Variants in KCNH1 observed in about 807,000 individuals in gnomAD.
The protein encoded by KCNH1 is potassium voltage-gated channel subfamily H member 1.
KCNH1 carries 27 observed loss-of-function variants against 69.2 expected under a neutral mutation model. That is an observed-to-expected ratio of 0.39 (90% CI 0.29 to 0.54). KCNH1 has a LOEUF of 0.54. KCNH1 is among the 20% of genes least tolerant of loss of function. The pLI, the probability that KCNH1 is intolerant of heterozygous loss-of-function variation, is 0.68. For missense variants in KCNH1, 798 were observed against 1,261.6 expected (o/e 0.63, Z 5.57); for synonymous variants, 456 against 487.7 (o/e 0.93, Z 0.86).
intron 6 of KCNH1, among the ~76,000 whole-genome samples, chr1:211,011,668 A>G (rs1047611870): frequency 6.6e-6 from 1 of 152,110 alleles, no homozygotes; most frequent in Non-Finnish European, 1.5e-5. Context: ...TGCTTCCTGG[A>G]AGCCAGGCAG....
At chr1:210,992,410 C>T (rs12070402) in intron 6 of KCNH1, among the ~76,000 whole-genome samples, 36,119 of 152,000 alleles carry the variant, frequency 0.24, 5,880 homozygotes, top group African/African-American at 0.45. Context: ...AAATTATATT[C>T]CCTCTAAAAT....
chr1:210,985,974 G>A (rs1367216616), intron 6 of KCNH1, among the ~76,000 whole-genome samples: 1 of 152,124 alleles, frequency 6.6e-6, no homozygotes, highest in Non-Finnish European at 1.5e-5. Context: ...CTCCTGTATT[G>A]GGTGCATATA....
At chr1:210,846,211 C>A (rs553457934) in intron 7 of KCNH1, among the ~76,000 whole-genome samples, 44 of 152,278 alleles carry the variant, frequency 2.9e-4, no homozygotes, top group African/African-American at 1.0e-3. Flanking sequence ...ACTTTCTTCA[C>A]AGAATTGGAA....
chr1:210,758,610 A>T (rs1683448331), intron 10 of KCNH1, among the ~76,000 whole-genome samples: 1 of 152,158 alleles, frequency 6.6e-6, no homozygotes, highest in Non-Finnish European at 1.5e-5. Context: ...CAAAGTCCCC[A>T]CTGAGTCAAA....
At chr1:210,737,770 G>T (rs1210510870) in intron 10 of KCNH1, among the ~76,000 whole-genome samples, 2 of 152,202 alleles carry the variant, frequency 1.3e-5, no homozygotes, top group Admixed American at 6.5e-5. Context: ...AAGTACTGTT[G>T]TAGCATCTGG....
rs151198510 is a variant in KCNH1 at position 210,825,325 on chromosome 1, A to C, written c.1463-21159T>G. The stretch of plus-strand genomic sequence containing the variant: ...CTATAGTTCTCATTTTGTCCCACAG[A>C]ATATTAAGCTATATTCAGGGATTGG... On this transcript the variant is annotated intron_variant, in intron 7 of 10. Coordinates refer to ENST00000271751, the MANE Select transcript of KCNH1 (RefSeq NM_172362.3). 3.5e-4 allele frequency among the ~76,000 whole-genome samples: 53 copies of C among 152,322 alleles called. 1 individual carries two copies. Among genetic ancestry groups the C allele is most frequent in the African/African-American group, 1.2e-3 (51 of 41,588 alleles).
chr1:210,754,282 C>G (rs1371081013), intron 10 of KCNH1, among the ~76,000 whole-genome samples: 1 of 152,114 alleles, frequency 6.6e-6, no homozygotes, highest in Non-Finnish European at 1.5e-5. Flanking sequence ...TAGACCTGAC[C>G]TGAAAACACC....
At chr1:210,937,008 A>G (rs1292512745) in intron 6 of KCNH1, among the ~76,000 whole-genome samples, 1 of 152,078 alleles carries the variant, frequency 6.6e-6, no homozygotes, top group African/African-American at 2.4e-5. Flanking sequence ...TTTGTATCAT[A>G]CTAGACTCTG....
intron 6 of KCNH1, among the ~76,000 whole-genome samples, chr1:211,007,015 C>G (rs376940180): frequency 2.0e-5 from 3 of 151,972 alleles, no homozygotes; most frequent in East Asian, 3.9e-4. Context: ...CATGGGCAAT[C>G]CTTATTTCTT....
chr1:210,720,477 TC>T (rs754554619), intron 10 of KCNH1, among the ~76,000 whole-genome samples: 2 of 152,176 alleles, frequency 1.3e-5, no homozygotes, highest in Non-Finnish European at 2.9e-5. Flanking sequence ...AAAGGTAAAG[TC>T]ACTCAAGACC....
chr1:210,867,471 G>T (rs1189928343), intron 7 of KCNH1, among the ~76,000 whole-genome samples: 1 of 151,806 alleles, frequency 6.6e-6, no homozygotes, highest in African/African-American at 2.4e-5. Flanking sequence ...ACATGTGGCT[G>T]TGTGACCAAA....
chr1:210,924,642 A>G (rs1687530865), intron 6 of KCNH1, among the ~76,000 whole-genome samples: 1 of 152,222 alleles, frequency 6.6e-6, no homozygotes, highest in Non-Finnish European at 1.5e-5. Context: ...GACTTCTTGC[A>G]TCAGAAAACA....
At chr1:211,092,169 G>C (rs1028435050) in intron 3 of KCNH1, among the ~76,000 whole-genome samples, 6 of 152,182 alleles carry the variant, frequency 3.9e-5, no homozygotes, top group African/African-American at 1.2e-4. Context: ...GTGAGATAGA[G>C]AGCAGAAAAC....
At chr1:210,854,343 C>T (rs1036291589) in intron 7 of KCNH1, among the ~76,000 whole-genome samples, 3 of 152,138 alleles carry the variant, frequency 2.0e-5, no homozygotes, top group Non-Finnish European at 4.4e-5. Context: ...CAAATTGCTT[C>T]AGATTAATTC....
In KCNH1 at chr1:210,917,187, GAGAC is replaced by G. The variant is rs544538337; in HGVS notation, c.1462+2449_1462+2452del. Among the ~76,000 whole-genome samples, 267 of 132,900 alleles carry G rather than the reference GAGAC, an allele frequency of 2.0e-3. 2 individuals are homozygous for G. The highest frequency in any genetic ancestry group is 7.2e-3 in the African/African-American group (259 of 35,870). 87.2% of individuals were successfully genotyped at this position (132,900 alleles called of 152,430 possible). A position where few individuals can be genotyped will look rare whatever the true frequency, so the allele number is the denominator to read the frequency against. On this transcript the variant is annotated intron_variant, in intron 7 of 10. Coordinates refer to ENST00000271751, the MANE Select transcript of KCNH1 (RefSeq NM_172362.3). ...AGAGAAGAGAGAAGAGAGAAATAAAGAGACAGAGAAAGAAAGGGACAGAGAGAGA... is the reference window on the plus strand; with the variant it reads ...AGAGAAGAGAGAAGAGAGAAATAAAGAGAGAAAGAAAGGGACAGAGAGAGA...
chr1:210,839,083 C>A (rs1202621138), intron 7 of KCNH1, among the ~76,000 whole-genome samples: 1 of 152,124 alleles, frequency 6.6e-6, no homozygotes, highest in African/African-American at 2.4e-5. Flanking sequence ...GAATATAAGT[C>A]ATTTTATTAT....
chr1:210,802,715 A>G (rs537320736), intron 8 of KCNH1, among the ~76,000 whole-genome samples: 2 of 152,316 alleles, frequency 1.3e-5, no homozygotes, highest in East Asian at 3.9e-4. Flanking sequence ...TCCATTTTAC[A>G]GGTGGGAAAA....
intron 7 of KCNH1, among the ~76,000 whole-genome samples, chr1:210,900,329 C>T (rs1217060890): frequency 6.6e-6 from 1 of 152,238 alleles, no homozygotes; most frequent in East Asian, 1.9e-4. Context: ...TGAGCTGGGG[C>T]TGTTCAGACA....
At chr1:210,740,421 G>T (rs151060865) in intron 10 of KCNH1, among the ~76,000 whole-genome samples, 6 of 151,972 alleles carry the variant, frequency 3.9e-5, no homozygotes, top group Non-Finnish European at 8.8e-5. Context: ...ATGATATGAG[G>T]CTTCTATATT....
Sources: gnomAD v4.1 joint callset for allele counts (sites outside exome capture counted in the v4.1 genomes callset) on GRCh38, gnomAD v4.1.1 for gene constraint, MANE v1.5 for transcripts, NCBI Gene and HGNC (gene_info 2026-07-23, HGNC 2026-07-21) for gene names.